SFMBT2: variants seen among roughly 807,000 people sequenced by gnomAD.
SFMBT2 encodes Scm like with four mbt domains 2.
Under a neutral mutation model 110.1 loss-of-function variants are expected in SFMBT2, and 38 were observed. The ratio of observed to expected loss-of-function variants is 0.35; its 90% CI spans 0.27 to 0.45. SFMBT2 has a LOEUF of 0.45. Ranked by LOEUF, SFMBT2 falls within the 20% of genes least tolerant of loss-of-function variation. The probability of loss-of-function intolerance (pLI) is 1.00; values close to 1 mark genes in which losing one functional copy is unlikely to be tolerated. For synonymous variants in SFMBT2, 425 were observed against 425.4 expected, an observed-to-expected ratio of 1.00 and a Z score of 0.01; for missense variants, 1,011 against 1,094.9, an observed-to-expected ratio of 0.92 and a Z score of 1.08.
intron 1 of SFMBT2, among the ~76,000 whole-genome samples, 63 bp downstream of exon 1, chr10:7,410,798 G>T (rs1846356692): frequency 6.6e-6 from 1 of 150,994 alleles, no homozygotes; most frequent in African/African-American, 2.4e-5. Flanking sequence ...TCAACCTGCG[G>T]GCCGAAGGGC....
At chr10:7,362,202 T>C (rs1055227534) in intron 4 of SFMBT2, among the ~76,000 whole-genome samples, 3 of 152,122 alleles carry the variant, frequency 2.0e-5, no homozygotes, top group African/African-American at 7.2e-5. Context: ...CCTGATTAGC[T>C]CACAAGCAGG....
At chr10:7,177,847 G>T (rs1433180427) in intron 16 of SFMBT2, among the ~76,000 whole-genome samples, 2 of 138,596 alleles carry the variant, frequency 1.4e-5, no homozygotes, top group Non-Finnish European at 3.2e-5. Flanking sequence ...GACACAGTGG[G>T]GCTCTGTCTC....
chr10:7,388,702 A>G (rs1845688157), intron 1 of SFMBT2, among the ~76,000 whole-genome samples: 1 of 151,902 alleles, frequency 6.6e-6, no homozygotes, highest in Non-Finnish European at 1.5e-5. Flanking sequence ...TTTACATGAC[A>G]GTCAGGCAAG....
Position 7,408,002 on chromosome 10 carries a change from G to A in SFMBT2, c.-52+2859C>T, listed in dbSNP as rs1846264507. On this transcript the variant is annotated intron_variant, in intron 1 of 20. Coordinates refer to ENST00000397167, the MANE Select transcript of SFMBT2 (RefSeq NM_001387889.1). This position sits in a 1 kb window ranked among gnomAD's most constrained non-coding sequence, Gnocchi z 5.7. ...CTCCCCACCAGAAGGAAAAACTTGG[G>A]CCCTTCGAGAACCCTGTGGAATGTT... Among the ~76,000 whole-genome samples, 2 of 152,234 alleles carry A rather than the reference G, an allele frequency of 1.3e-5. No individual in the cohort carries two copies. The highest frequency in any genetic ancestry group is 4.8e-5 in the African/African-American group (2 of 41,460).
chr10:7,170,904 A>G lies in SFMBT2; in HGVS notation c.2544+24T>C. The G allele has an allele frequency of 6.2e-7, 1 of 1,613,280 alleles. No homozygotes were observed. Among genetic ancestry groups the G allele is most frequent in the Non-Finnish European group, 8.5e-7 (1 of 1,179,614 alleles). On this transcript the variant is annotated intron_variant, in intron 20 of 20. Transcript: ENST00000397167. This position sits in a 1 kb window ranked among gnomAD's most constrained non-coding sequence, Gnocchi z 4.6. ...ATGCAGAGTCTCAGCACATCAAACAATCGACACGCGGCAACCACCGTACCT... is the reference window on the plus strand; with the variant it reads ...ATGCAGAGTCTCAGCACATCAAACAGTCGACACGCGGCAACCACCGTACCT...
chr10:7,347,821 A>C (rs1189150654), intron 4 of SFMBT2, among the ~76,000 whole-genome samples: 1 of 152,248 alleles, frequency 6.6e-6, no homozygotes, highest in Non-Finnish European at 1.5e-5. Flanking sequence ...TTTGCTGGTT[A>C]GTTATTCATG....
At chr10:7,207,108 C>T (rs556759276) in intron 11 of SFMBT2, 24 of 162,734 alleles carry the variant, frequency 1.5e-4, no homozygotes, top group Non-Finnish European at 2.4e-4. Context: ...ACCAGTAGTC[C>T]CAGCTACTCA....
intron 4 of SFMBT2, among the ~76,000 whole-genome samples, chr10:7,339,012 G>C (rs145928224): frequency 4.6e-5 from 7 of 152,286 alleles, no homozygotes; most frequent in African/African-American, 1.7e-4. Context: ...GGCTGAGGTG[G>C]GCAGATCATC....
At chr10:7,371,208 C>G (rs992962268) in intron 2 of SFMBT2, among the ~76,000 whole-genome samples, 1 of 152,146 alleles carries the variant, frequency 6.6e-6, no homozygotes, top group African/African-American at 2.4e-5. Flanking sequence ...ACTACAACCT[C>G]CACCTCCTGG....
chr10:7,171,783 C>T lies in SFMBT2; in HGVS notation c.2415+112G>A. 1 of 1,155,092 alleles carries T rather than the reference C, an allele frequency of 8.7e-7. No individual in the cohort carries two copies. The highest frequency in any genetic ancestry group is 1.1e-6 in the Non-Finnish European group (1 of 889,098). The allele number at this position is 1,155,092 out of a possible 1,614,324, so 71.6% of individuals were successfully genotyped here. On this transcript the variant is annotated intron_variant, in intron 19 of 20. Coordinates refer to ENST00000397167, the MANE Select transcript of SFMBT2 (RefSeq NM_001387889.1). The surrounding 1 kb of genome is among the most constrained non-coding windows in gnomAD (Gnocchi z 4.9). Reference sequence around the variant, plus strand: ...ACTTGGGAACTAGCTAGAGCAGCTGCTGCTGTTGGAGGTATTTTAAACAGG... The same window carrying T: ...ACTTGGGAACTAGCTAGAGCAGCTGTTGCTGTTGGAGGTATTTTAAACAGG...
intron 1 of SFMBT2, among the ~76,000 whole-genome samples, chr10:7,407,050 TCCCA>T (rs1481534999): frequency 6.6e-6 from 1 of 151,956 alleles, no homozygotes; most frequent in African/African-American, 2.4e-5. Flanking sequence ...GGCAGCTTGG[TCCCA>T]GCAAGAGCAA....
At chr10:7,395,620 G>A (rs1845902756) in intron 1 of SFMBT2, among the ~76,000 whole-genome samples, 1 of 148,784 alleles carries the variant, frequency 6.7e-6, no homozygotes, top group East Asian at 2.0e-4. Flanking sequence ...ACTTTATTTT[G>A]TTTAATCCAC....
intron 11 of SFMBT2, among the ~76,000 whole-genome samples, chr10:7,208,858 T>C (rs954088672): frequency 6.6e-6 from 1 of 152,210 alleles, no homozygotes; most frequent in African/African-American, 2.4e-5. Flanking sequence ...GTCTTTACCA[T>C]ACTTTAGAAT....
rs182077870 is a variant in SFMBT2 at position 7,384,528 on chromosome 10, A to T, written c.-51-2579T>A. 3.0e-3 allele frequency among the ~76,000 whole-genome samples: 446 copies of T among 148,894 alleles called. 2 individuals carry two copies. Among genetic ancestry groups the T allele is most frequent in the African/African-American group, 0.01 (416 of 41,118 alleles). On this transcript the variant is annotated intron_variant, in intron 1 of 20. Transcript: ENST00000397167. ...ATAATGAAAATAACGGTTTTTTAAT[A>T]AAAAAAAATGAAGTTATCTTATATC...
intron 8 of SFMBT2, among the ~76,000 whole-genome samples, chr10:7,245,191 T>C (rs565539826): frequency 6.6e-6 from 1 of 152,230 alleles, no homozygotes; most frequent in South Asian, 2.1e-4. Flanking sequence ...TAGCATTTAA[T>C]ATGTAACATA....
chr10:7,281,355 C>T (rs1477319381), intron 6 of SFMBT2, among the ~76,000 whole-genome samples: 1 of 151,992 alleles, frequency 6.6e-6, no homozygotes, highest in Non-Finnish European at 1.5e-5. Flanking sequence ...GGGAAGAGCT[C>T]GTGGGGAGTA....
chr10:7,286,979 G>A (rs1842108992), intron 4 of SFMBT2, among the ~76,000 whole-genome samples: 1 of 151,812 alleles, frequency 6.6e-6, no homozygotes, highest in African/African-American at 2.4e-5. Context: ...CTAAAAGCAG[G>A]GAAACTGAGG....
rs148742562 is a variant in SFMBT2, at chr10:7,350,425, C to A, written c.436+17224G>T. On this transcript the variant is annotated intron_variant, in intron 4 of 20. Coordinates refer to ENST00000397167, the MANE Select transcript of SFMBT2 (RefSeq NM_001387889.1). ...GTGTGACCCCACCCAGCCACTCTTC[C>A]GGGCCAGCCTTATTCTGCACCCATG... 6.4e-3 allele frequency among the ~76,000 whole-genome samples: 974 copies of A among 152,268 alleles called. 13 individuals carry two copies. Among genetic ancestry groups the A allele is most frequent in the African/African-American group, 0.022 (910 of 41,546 alleles).
At chr10:7,305,160 G>C (rs74576085) in intron 4 of SFMBT2, among the ~76,000 whole-genome samples, 1,962 of 152,264 alleles carry the variant, frequency 0.013, 51 homozygotes, top group African/African-American at 0.044. Flanking sequence ...GGTAATTACT[G>C]AATCTCAAAA....
Sources: allele counts gnomAD v4.1 joint callset (sites outside exome capture counted in the v4.1 genomes callset), GRCh38; gene constraint gnomAD v4.1.1; non-coding constraint Gnocchi (gnomAD v3.1); transcripts MANE v1.5; gene names NCBI Gene and HGNC (gene_info 2026-07-23, HGNC 2026-07-21).